Variants in RBMS3 observed in about 807,000 individuals in gnomAD.
RBMS3 encodes the protein RNA-binding motif, single-stranded-interacting protein 3.
RBMS3 carries 27 observed loss-of-function variants against 66.8 expected under a neutral mutation model. That is an observed-to-expected ratio of 0.40 (90% CI 0.30 to 0.56). The LOEUF (loss-of-function observed/expected upper bound fraction) is 0.56, where lower values mean the gene tolerates loss of function less well. Ranked by LOEUF, RBMS3 falls within the 20% of genes least tolerant of loss-of-function variation. RBMS3 has a pLI of 0.40. For missense variants in RBMS3, 513 were observed against 549.5 expected (o/e 0.93, Z 0.66); for synonymous variants, 188 against 183.0 (o/e 1.03, Z -0.22).
At chr3:29,423,485 G>A (rs559073207) in intron 1 of RBMS3, among the ~76,000 whole-genome samples, 17 of 152,216 alleles carry the variant, frequency 1.1e-4, no homozygotes, top group African/African-American at 3.6e-4. Context: ...GCTTGAATAT[G>A]GTTTCTACTA....
intron 4 of RBMS3, among the ~76,000 whole-genome samples, chr3:29,694,770 A>T (rs73831638): frequency 0.051 from 7,733 of 152,194 alleles, 683 homozygotes; most frequent in African/African-American, 0.18. Context: ...TAAAAAAATA[A>T]AAAAAATTAA....
intron 1 of RBMS3, among the ~76,000 whole-genome samples, chr3:29,338,629 G>GTCTACTGT (rs960118866): frequency 1.3e-5 from 2 of 150,554 alleles, no homozygotes; most frequent in African/African-American, 4.9e-5. Flanking sequence ...TGAGTTACTG[G>GTCTACTGT]TCTACTGGTC....
At chr3:29,702,807 G>T (rs890201655) in intron 4 of RBMS3, among the ~76,000 whole-genome samples, 1 of 152,134 alleles carries the variant, frequency 6.6e-6, no homozygotes, top group Non-Finnish European at 1.5e-5. Flanking sequence ...CTCCGAACAC[G>T]TCCGAACGTC....
intron 1 of RBMS3, among the ~76,000 whole-genome samples, chr3:29,355,810 C>G (rs2037193178): frequency 6.6e-6 from 1 of 151,762 alleles, no homozygotes; most frequent in Non-Finnish European, 1.5e-5. Flanking sequence ...CTGCACAAAA[C>G]AAAAAAGCAC....
At chr3:29,984,592 T>A (rs879351269) in intron 12 of RBMS3, among the ~76,000 whole-genome samples, 2 of 152,032 alleles carry the variant, frequency 1.3e-5, no homozygotes, top group Admixed American at 1.3e-4. Context: ...TTCAGATGGG[T>A]TTTTTGTATG....
At chr3:29,672,488 T>G (rs112601600) in intron 4 of RBMS3, among the ~76,000 whole-genome samples, 1 of 152,126 alleles carries the variant, frequency 6.6e-6, no homozygotes, top group Non-Finnish European at 1.5e-5. Flanking sequence ...AGACACAGAC[T>G]TGCAAATTGG....
chr3:29,689,862 T>A (rs1426859514), intron 4 of RBMS3, among the ~76,000 whole-genome samples: 1 of 128,274 alleles, frequency 7.8e-6, no homozygotes, highest in Non-Finnish European at 1.6e-5. Flanking sequence ...TAAGGTTCAC[T>A]TAAGGCCAGG....
chr3:29,305,986 C>A lies in RBMS3; in HGVS notation c.75+24230C>A, dbSNP rs187754228. On this transcript the variant is annotated intron_variant, in intron 1 of 14. Coordinates refer to ENST00000383767, the MANE Select transcript of RBMS3 (RefSeq NM_001003793.3). ...GAACATCAACAGACCAGGGAGCATT[C>A]GTTACTTGTTCTAAAAACACATGAA... Among the ~76,000 whole-genome samples the A allele has an allele frequency of 7.2e-5, 11 of 152,052 alleles. No homozygotes were observed. The East Asian group carries it at 2.1e-3, about 30-fold the overall frequency.
At chr3:29,678,380 C>G (rs2051340695) in intron 4 of RBMS3, among the ~76,000 whole-genome samples, 1 of 151,852 alleles carries the variant, frequency 6.6e-6, no homozygotes, top group African/African-American at 2.4e-5. Context: ...AGTTCTTACA[C>G]CAAACAGTAA....
Position 29,724,442 on chromosome 3 carries a change from G to C in RBMS3, c.400-15278G>C, listed in dbSNP as rs377388784. Among the ~76,000 whole-genome samples the C allele has an allele frequency of 2.0e-5, 3 of 152,098 alleles. No individual in the cohort carries two copies. In the South Asian group the frequency reaches 6.2e-4, roughly 32 times the overall value. Reference sequence around the variant, plus strand: ...TGAATTTCTACAATAACCCTCTAAGGTTATTAGTATTATTATCTCCATTTT... The same window carrying C: ...TGAATTTCTACAATAACCCTCTAAGCTTATTAGTATTATTATCTCCATTTT... On this transcript the variant is annotated intron_variant, in intron 4 of 14. Transcript: ENST00000383767.
rs550472691 is a variant in RBMS3, at chr3:29,527,152, A to G, written c.307+38653A>G. On this transcript the variant is annotated intron_variant, in intron 3 of 14. Transcript: ENST00000383767. ...CTAGGAGGACCCAACGAGTGACAAT[A>G]GGGTTTCAGACGTGATTGTTAGGTA... is the stretch of plus-strand genomic sequence containing the variant. Among the ~76,000 whole-genome samples, 15 of 140,686 alleles carry G rather than the reference A, an allele frequency of 1.1e-4. No individual in the cohort carries two copies. In the South Asian group the frequency reaches 3.5e-3, roughly 33 times the overall value. 92.3% of individuals were successfully genotyped at this position (140,686 alleles called of 152,430 possible).
rs1405724661 is a variant in RBMS3 at position 29,991,184 on chromosome 3, C to T, written c.1282C>T (p.Pro428Ser). 6.2e-7 allele frequency: 1 copy of T among 1,614,104 alleles called. No individual in the cohort carries two copies. The highest frequency in any genetic ancestry group is 8.5e-7 in the Non-Finnish European group (1 of 1,179,956). Residue 428 changes from proline to serine, a missense_variant, in exon 14 of 15, where the codon CCT becomes TCT. Physicochemically the swap from Pro to Ser is moderately conservative, Grantham distance 74. Coordinates refer to ENST00000383767, the MANE Select transcript of RBMS3 (RefSeq NM_001003793.3). The stretch of plus-strand genomic sequence containing the variant: ...AGTGGACACATCCAACGAACATGCA[C>T]CTGCATATTCTTACCAACAGTCTAA... Reference protein sequence around the residue: ...IAVDTSNEHAPAYSYQQSKP With the variant: ...IAVDTSNEHASAYSYQQSKP
intron 4 of RBMS3, among the ~76,000 whole-genome samples, chr3:29,703,587 G>A (rs2052732951): frequency 6.6e-6 from 1 of 152,110 alleles, no homozygotes; most frequent in African/African-American, 2.4e-5. Context: ...TTCTACCCTG[G>A]TAGTGCCATG....
At chr3:29,979,044 A>T (rs554827943) in intron 12 of RBMS3, among the ~76,000 whole-genome samples, 1 of 152,100 alleles carries the variant, frequency 6.6e-6, no homozygotes, top group Admixed American at 6.6e-5. Context: ...AGGCGGGAGG[A>T]TCACTTGAGC....
At chr3:29,663,737 T>G (rs571995427) in intron 4 of RBMS3, among the ~76,000 whole-genome samples, 2 of 149,130 alleles carry the variant, frequency 1.3e-5, no homozygotes, top group Non-Finnish European at 3.0e-5. Context: ...GATCAGACAT[T>G]CGTAGATTGT....
intron 1 of RBMS3, among the ~76,000 whole-genome samples, chr3:29,357,371 C>T (rs926659679): frequency 1.8e-4 from 28 of 152,278 alleles, no homozygotes; most frequent in African/African-American, 6.7e-4. Context: ...CTACAAAGGA[C>T]ATGAACTCAT....
chr3:29,431,561 G>T (rs955985093), intron 1 of RBMS3, among the ~76,000 whole-genome samples: 1 of 151,940 alleles, frequency 6.6e-6, no homozygotes, highest in African/African-American at 2.4e-5. Context: ...AAACTGCTGG[G>T]ACTACAGGCG....
At chr3:30,001,404 T>C (rs530693267) in intron 14 of RBMS3, among the ~76,000 whole-genome samples, 1 of 136,348 alleles carries the variant, frequency 7.3e-6, no homozygotes, top group South Asian at 2.8e-4. Flanking sequence ...TCACTGTGCC[T>C]TTTTTTTGAG....
chr3:29,373,519 T>C (rs1180240160), intron 1 of RBMS3, among the ~76,000 whole-genome samples: 1 of 152,166 alleles, frequency 6.6e-6, no homozygotes, highest in East Asian at 1.9e-4. Flanking sequence ...CCCTAGACCT[T>C]GTGGGAAGGA....
Sources: gnomAD v4.1 joint callset for allele counts (sites outside exome capture counted in the v4.1 genomes callset) on GRCh38, gnomAD v4.1.1 for gene constraint, MANE v1.5 for transcripts, NCBI Gene and HGNC (gene_info 2026-07-23, HGNC 2026-07-21) for gene names.